Variants in CTRL observed in about 807,000 individuals in gnomAD.
CTRL encodes the protein chymotrypsin-like protease CTRL-1.
CTRL carries 38 observed loss-of-function variants against 35.5 expected under a neutral mutation model. That is an observed-to-expected ratio of 1.07 (90% CI 0.83 to 1.40). The LOEUF (loss-of-function observed/expected upper bound fraction) is 1.40, where lower values mean the gene tolerates loss of function less well. CTRL is among the 40% of genes most tolerant of loss of function. The pLI is 0.00. For synonymous variants in CTRL, 155 were observed against 141.1 expected, an observed-to-expected ratio of 1.10 and a Z score of -0.70; for missense variants, 327 against 342.9, an observed-to-expected ratio of 0.95 and a Z score of 0.37.
chr16:67,931,223 A>G, intron 1 of CTRL, 22 bp from the exon 2 acceptor site: 1 of 1,612,662 alleles, frequency 6.2e-7, no homozygotes, highest in Non-Finnish European at 8.5e-7. Context: ...GCTAATGAGG[A>G]CCTGCTTCCC....
chr16:67,931,232 C>A, intron 1 of CTRL, 31 bp from the exon 2 acceptor site: 1 of 1,610,280 alleles, frequency 6.2e-7, no homozygotes, highest in Non-Finnish European at 8.5e-7. Context: ...GACCTGCTTC[C>A]CATGCCTCAG....
Position 67,930,801 on chromosome 16 carries a change from G to A in CTRL, c.243C>T (p.Gly81=), listed in dbSNP as rs144626856. 4.9e-5 allele frequency: 79 copies of A among 1,613,974 alleles called. No homozygotes were observed. Among genetic ancestry groups the A allele is most frequent in the Admixed American group, 2.2e-4 (13 of 59,988 alleles). ...VTAAHCNVSP[G]RHFVVLGEYD... is the part of the protein sequence containing the mutation. ...ACTCGCCCAGGACAACAAAATGGCG[G>A]CCAGGGCTGCAAGGGGGTGGGATTA... The change falls in exon 4 of 7, where the codon GGC becomes GGT. Residue 81 remains glycine, a synonymous_variant. Coordinates refer to ENST00000574481, the MANE Select transcript of CTRL (RefSeq NM_001907.3). This position sits in a 1 kb window ranked among gnomAD's most constrained non-coding sequence, Gnocchi z 4.3.
At chr16:67,931,760 T>C (rs2058242377) in intron 1 of CTRL, 41 bp downstream of exon 1, 1 of 1,550,736 alleles carries the variant, frequency 6.4e-7, no homozygotes, top group East Asian at 2.4e-5. Context: ...GGAGCTGAGT[T>C]GCTCCCAGGG....
At position 67,929,771 on chromosome 16, in the gene CTRL, T is replaced by C; in HGVS notation, c.*163A>G. ...TGGCTACTCTAGGAAGAGCCACTGCTACTCAAGGAGTCACTCAGCCCCTTC... is the reference window on the plus strand; with the variant it reads ...TGGCTACTCTAGGAAGAGCCACTGCCACTCAAGGAGTCACTCAGCCCCTTC... On this transcript the variant is annotated 3_prime_UTR_variant, in exon 7 of 7. Coordinates refer to ENST00000574481, the MANE Select transcript of CTRL (RefSeq NM_001907.3). 1 of 777,260 alleles carries C rather than the reference T, an allele frequency of 1.3e-6. No homozygotes were observed. The highest frequency in any genetic ancestry group is 1.8e-5 in the South Asian group (1 of 55,346). The allele number at this position is 777,260 out of a possible 1,614,324, so 48.1% of individuals were successfully genotyped here. A position where few individuals can be genotyped will look rare whatever the true frequency, so the allele number is the denominator to read the frequency against.
In CTRL at chr16:67,931,697, T is replaced by C. The variant is rs1358879126; in HGVS notation, c.52+104A>G. 7.5e-6 allele frequency: 10 copies of C among 1,339,492 alleles called. No individual in the cohort carries two copies. The Admixed American group carries it at 2.0e-4, about 27-fold the overall frequency. The allele number at this position is 1,339,492 out of a possible 1,614,324, so 83.0% of individuals were successfully genotyped here. ...CATATCCTGTTTCTTTTGCCCACTC[T>C]GTCCACCTTCGTCCCTTCCAGCCAG... On this transcript the variant is annotated intron_variant, in intron 1 of 6. Transcript: ENST00000574481.
rs1268575024 is a variant in CTRL, at chr16:67,929,701, C to T, written c.*233G>A. 1 of 564,372 alleles carries T rather than the reference C, an allele frequency of 1.8e-6. No homozygotes were observed. Among genetic ancestry groups the T allele is most frequent in the Admixed American group, 3.0e-5 (1 of 32,830 alleles). 35.0% of individuals were successfully genotyped at this position (564,372 alleles called of 1,614,324 possible). On this transcript the variant is annotated 3_prime_UTR_variant, in exon 7 of 7. Coordinates refer to ENST00000574481, the MANE Select transcript of CTRL (RefSeq NM_001907.3). ...ACAGTTCTGGCTTCTTGCTGTAGGA[C>T]CAAGGGGTTGCCCTGGAGGAGGGGT... is the stretch of plus-strand genomic sequence containing the variant.
Position 67,930,801 on chromosome 16 carries a change from G to T in CTRL, c.243C>A (p.Gly81=). The T allele has an allele frequency of 1.2e-6, 2 of 1,614,092 alleles. No homozygotes were observed. Among genetic ancestry groups the T allele is most frequent in the African/African-American group, 1.3e-5 (1 of 75,042 alleles). Residue 81 remains glycine (G), a synonymous_variant, in exon 4 of 7, where the codon GGC becomes GGA. Coordinates refer to ENST00000574481, the MANE Select transcript of CTRL (RefSeq NM_001907.3). The surrounding 1 kb of genome is among the most constrained non-coding windows in gnomAD (Gnocchi z 4.3). ...ACTCGCCCAGGACAACAAAATGGCG[G>T]CCAGGGCTGCAAGGGGGTGGGATTA... The part of the protein sequence containing the change: ...VTAAHCNVSP[G]RHFVVLGEYD...
rs757371020 is a variant in CTRL, at chr16:67,929,992, A to G, written c.737T>C (p.Val246Ala). 16 of 1,614,066 alleles carry G rather than the reference A, an allele frequency of 9.9e-6. 1 individual carries two copies. The highest frequency in any genetic ancestry group is 1.6e-4 in the Middle Eastern group (1 of 6,084). ...GCTGAACTTGCTAACTCGAGTATACACAGCAGGTGCGCGCACATTGCAGTT... is the reference window on the plus strand; with the variant it reads ...GCTGAACTTGCTAACTCGAGTATACGCAGCAGGTGCGCGCACATTGCAGTT... ...TKNCNVRAPA[V>A]YTRVSKFSTW... Residue 246 changes from valine to alanine, a missense_variant, in exon 7 of 7, where the codon GTG becomes GCG. Coordinates refer to ENST00000574481, the MANE Select transcript of CTRL (RefSeq NM_001907.3).
Position 67,930,170 on chromosome 16 carries a change from G to C in CTRL, c.633+15C>G, listed in dbSNP as rs1237598899. The C allele has an allele frequency of 6.2e-6, 10 of 1,613,854 alleles. No homozygotes were observed. Among genetic ancestry groups the C allele is most frequent in the Non-Finnish European group, 7.6e-6 (9 of 1,179,874 alleles). On this transcript the variant is annotated intron_variant, in intron 6 of 6. Coordinates refer to ENST00000574481, the MANE Select transcript of CTRL (RefSeq NM_001907.3). This position sits in a 1 kb window ranked among gnomAD's most constrained non-coding sequence, Gnocchi z 4.3. The stretch of plus-strand genomic sequence containing the variant: ...TACCACAGGACAGCGCAGAGGAGCG[G>C]GTGCTGGGGCTTACCTGGCACGAGG...
rs1212016542 is a variant in CTRL, at chr16:67,930,763, G to A, written c.281C>T (p.Ser94Leu). Reference protein sequence around the residue: ...FVVLGEYDRSSNAEPLQVLSV... With the variant: ...FVVLGEYDRSLNAEPLQVLSV... ...CAGAACCTGCAAGGGCTCTGCGTTTGATGATCGGTCATACTCGCCCAGGAC... is the reference window on the plus strand; with the variant it reads ...CAGAACCTGCAAGGGCTCTGCGTTTAATGATCGGTCATACTCGCCCAGGAC... The change falls in exon 4 of 7, where the codon TCA becomes TTA. Residue 94 changes from serine to leucine, a missense_variant. Ser to Leu is a moderately radical substitution (Grantham distance 145). Coordinates refer to ENST00000574481, the MANE Select transcript of CTRL (RefSeq NM_001907.3). This position sits in a 1 kb window ranked among gnomAD's most constrained non-coding sequence, Gnocchi z 4.3. 1 of 1,614,030 alleles carries A rather than the reference G, an allele frequency of 6.2e-7. No individual in the cohort carries two copies. The highest frequency in any genetic ancestry group is 8.5e-7 in the Non-Finnish European group (1 of 1,180,040).
intron 1 of CTRL, 101 bp from the exon 2 acceptor site, chr16:67,931,302 G>T: frequency 8.7e-7 from 1 of 1,155,076 alleles, no homozygotes; most frequent in Non-Finnish European, 1.3e-6. Context: ...GAGGTCTGTC[G>T]AGAGGGTACA....
chr16:67,930,981 A>G lies in CTRL; in HGVS notation c.175T>C (p.Phe59Leu). 6.2e-7 allele frequency: 1 copy of G among 1,613,974 alleles called. No homozygotes were observed. The highest frequency in any genetic ancestry group is 8.5e-7 in the Non-Finnish European group (1 of 1,180,008). Residue 59 changes from phenylalanine (F) to leucine (L), a missense_variant, in exon 3 of 7, where the codon TTC (phenylalanine) becomes CTC (leucine). Phe to Leu is a conservative substitution (Grantham distance 22). Transcript: ENST00000574481. This position sits in a 1 kb window ranked among gnomAD's most constrained non-coding sequence, Gnocchi z 4.3. ...TGGCTGATGAGAGAACCACCGCAGA[A>G]GTGGAAGCCGCTGCTGTCCTGTGGT... The part of the protein sequence containing the change: ...VSLQDSSGFH[F>L]CGGSLISQSW...
chr16:67,930,188 G>A lies in CTRL; in HGVS notation c.630C>T (p.Cys210=). 6.2e-7 allele frequency: 1 copy of A among 1,613,978 alleles called. No homozygotes were observed. The highest frequency in any genetic ancestry group is 1.1e-5 in the South Asian group (1 of 91,090). ...AGGAGCGGGTGCTGGGGCTTACCTG[G>A]CACGAGGAGGCACCTGCGCCACCTG... ...ICAGGAGASS[C]QGDSGGPLVC... is the part of the protein sequence containing the mutation. Residue 210 remains cysteine (C), a synonymous_variant, in exon 6 of 7, where the codon TGC becomes TGT. Transcript: ENST00000574481. This position sits in a 1 kb window ranked among gnomAD's most constrained non-coding sequence, Gnocchi z 4.3.
In CTRL at chr16:67,930,118, A is replaced by C; in HGVS notation, c.634-23T>G. On this transcript the variant is annotated intron_variant, in intron 6 of 6. Coordinates refer to ENST00000574481, the MANE Select transcript of CTRL (RefSeq NM_001907.3). This position sits in a 1 kb window ranked among gnomAD's most constrained non-coding sequence, Gnocchi z 4.3. ...ACCCTGAGAGGGAAGAGGGAGGGAG[A>C]ATTGAGTAGGGGGGGTTGGGGAGGT... 6.2e-7 allele frequency: 1 copy of C among 1,613,586 alleles called. No homozygotes were observed. The highest frequency in any genetic ancestry group is 8.5e-7 in the Non-Finnish European group (1 of 1,179,728).
At position 67,931,086 on chromosome 16, in the gene CTRL, C is replaced by T. The variant is rs762987081; in HGVS notation, c.156+12G>A. On this transcript the variant is annotated intron_variant, in intron 2 of 6. Coordinates refer to ENST00000574481, the MANE Select transcript of CTRL (RefSeq NM_001907.3). The stretch of plus-strand genomic sequence containing the variant: ...CGTACCCAGGACCCTGCCCACCCCT[C>T]TGGTGGTGTACCTGCAGGGACACCT... 2 of 1,613,756 alleles carry T rather than the reference C, an allele frequency of 1.2e-6. No individual in the cohort carries two copies. The highest frequency in any genetic ancestry group is 2.7e-5 in the African/African-American group (2 of 74,936).
rs768540895 is a variant in CTRL, at chr16:67,931,162, C to T, written c.92G>A (p.Ser31Asn). The T allele has an allele frequency of 4.3e-6, 7 of 1,614,026 alleles. No homozygotes were observed. Among genetic ancestry groups the T allele is most frequent in the Non-Finnish European group, 5.9e-6 (7 of 1,180,014 alleles). Residue 31 changes from serine (S) to asparagine (N), a missense_variant, in exon 2 of 7, where the codon AGC (serine) becomes AAC (asparagine). Transcript: ENST00000574481. Reference protein sequence around the residue: ...IPAIKPALSFSQRIVNGENAV... With the variant: ...IPAIKPALSFNQRIVNGENAV... ...ATTCTCCCCGTTGACAATCCTCTGG[C>T]TGAAGCTCAGTGCCGGTTTGATGGC... is the stretch of plus-strand genomic sequence containing the variant.
At position 67,930,610 on chromosome 16, in the gene CTRL, A is replaced by G. The variant is rs769406670; in HGVS notation, c.319-22T>C. ...TGGCCTGTGGGGTCAGAAACAGTCC[A>G]TGTTCTGATGGGTGCTGAGCAGGGT... On this transcript the variant is annotated intron_variant, in intron 4 of 6. Transcript: ENST00000574481. This position sits in a 1 kb window ranked among gnomAD's most constrained non-coding sequence, Gnocchi z 4.3. 6.2e-7 allele frequency: 1 copy of G among 1,611,214 alleles called. No homozygotes were observed. The highest frequency in any genetic ancestry group is 1.7e-5 in the Admixed American group (1 of 59,968).
chr16:67,931,120 C>T lies in CTRL; in HGVS notation c.134G>A (p.Trp45Ter). The T allele has an allele frequency of 3.1e-6, 5 of 1,614,106 alleles. No individual in the cohort carries two copies. The highest frequency in any genetic ancestry group is 1.1e-5 in the South Asian group (1 of 91,092). The part of the protein sequence containing the change: ...VNGENAVLGS[W>*]PWQVSLQDSS... ...TACCTGCAGGGACACCTGCCAGGGCCAGGAGCCCAACACTGCATTCTCCCC... is the reference window on the plus strand; with the variant it reads ...TACCTGCAGGGACACCTGCCAGGGCTAGGAGCCCAACACTGCATTCTCCCC... The change falls in exon 2 of 7, where the codon TGG (tryptophan) becomes TAG (stop). Residue 45 changes from tryptophan (W) to a stop codon, truncating the protein, a stop_gained. Transcript: ENST00000574481. LOFTEE classifies it high-confidence loss of function.
chr16:67,930,779 C>A lies in CTRL; in HGVS notation c.265G>T (p.Glu89Ter), dbSNP rs756085763. ...TCTGCGTTTGATGATCGGTCATACTCGCCCAGGACAACAAAATGGCGGCCA... is the reference window on the plus strand; with the variant it reads ...TCTGCGTTTGATGATCGGTCATACTAGCCCAGGACAACAAAATGGCGGCCA... The part of the protein sequence containing the change: ...SPGRHFVVLG[E>*]YDRSSNAEPL... Residue 89 changes from glutamate to a stop codon, truncating the protein, a stop_gained, in exon 4 of 7, where the codon GAG becomes TAG. Coordinates refer to ENST00000574481, the MANE Select transcript of CTRL (RefSeq NM_001907.3). LOFTEE classifies it high-confidence loss of function. This position sits in a 1 kb window ranked among gnomAD's most constrained non-coding sequence, Gnocchi z 4.3. The A allele has an allele frequency of 1.9e-6, 3 of 1,613,942 alleles. No individual in the cohort carries two copies. In the African/African-American group the frequency reaches 4.0e-5, roughly 22 times the overall value.
Sources: gnomAD v4.1 joint callset for allele counts on GRCh38, gnomAD v4.1.1 for gene constraint, Gnocchi (gnomAD v3.1) non-coding constraint, MANE v1.5 for transcripts, NCBI Gene and HGNC (gene_info 2026-07-23, HGNC 2026-07-21) for gene names.